Variants in ZNF839 observed in about 807,000 individuals in gnomAD.
The protein encoded by ZNF839 is zinc finger protein 839, also known as renal carcinoma antigen NY-REN-50.
Under a neutral mutation model 56.4 loss-of-function variants are expected in ZNF839, and 38 were observed. The ratio of observed to expected loss-of-function variants is 0.67; its 90% CI spans 0.52 to 0.88. The LOEUF (loss-of-function observed/expected upper bound fraction) is 0.88. ZNF839 is among the 40% of genes least tolerant of loss of function. ZNF839 has a pLI of 0.00. For missense variants in ZNF839, 1,091 were observed against 1,177.6 expected (o/e 0.93, Z 1.08); for synonymous variants, 486 against 493.5 (o/e 0.98, Z 0.20).
At chr14:102,336,802 C>T (rs1885782745) in intron 5 of ZNF839, 5 of 277,684 alleles carry the variant, frequency 1.8e-5, no homozygotes, top group South Asian at 1.6e-4. Context: ...GGCACAATCA[C>T]AGCTCACCGC....
At chr14:102,327,480 C>A (rs1033178204) in intron 2 of ZNF839, among the ~76,000 whole-genome samples, 1 of 152,194 alleles carries the variant, frequency 6.6e-6, no homozygotes, top group Admixed American at 6.5e-5. Context: ...TGAGAACTCA[C>A]TCACTGTCAT....
intron 5 of ZNF839, 101 bp from the exon 6 acceptor site, chr14:102,338,715 G>T: frequency 6.5e-7 from 1 of 1,532,152 alleles, no homozygotes; most frequent in South Asian, 1.2e-5. Flanking sequence ...GAACTTTGTA[G>T]ATTTAATTCT....
At chr14:102,318,062 C>T (rs2072949008), upstream of ZNF839, among the ~76,000 whole-genome samples, 1 of 152,184 alleles carries the variant, frequency 6.6e-6, no homozygotes, top group Non-Finnish European at 1.5e-5. Flanking sequence ...GGTATGTGCC[C>T]AGGGTGTAGT....
rs777918282 is a variant in ZNF839 at position 102,332,995 on chromosome 14, T to C, written c.1416+1149T>C. 6.6e-6 allele frequency among the ~76,000 whole-genome samples: 1 copy of C among 152,234 alleles called. No individual in the cohort carries two copies. The highest frequency in any genetic ancestry group is 6.5e-5 in the Admixed American group (1 of 15,272). On this transcript the variant is annotated intron_variant, in intron 3 of 7. Coordinates refer to ENST00000442396, the MANE Select transcript of ZNF839 (RefSeq NM_018335.6). The surrounding 1 kb of genome is among the most constrained non-coding windows in gnomAD (Gnocchi z 4.9). Reference sequence around the variant, plus strand: ...TGTGGAGTTTCCCTGTCTGCTGTTATTAAGCTCATACAGAATTTAGGTCAG... The same window carrying C: ...TGTGGAGTTTCCCTGTCTGCTGTTACTAAGCTCATACAGAATTTAGGTCAG...
chr14:102,318,845 C>G (rs2072978165), upstream of ZNF839, among the ~76,000 whole-genome samples: 1 of 152,174 alleles, frequency 6.6e-6, no homozygotes. Context: ...TCCTCCTTCC[C>G]CCTTGGGAAG....
intron 1 of ZNF839, among the ~76,000 whole-genome samples, chr14:102,324,660 G>A (rs982952222): frequency 6.6e-6 from 1 of 152,122 alleles, no homozygotes; most frequent in Admixed American, 6.6e-5. Context: ...TCCAGCCTGG[G>A]CGACAGAACG....
At position 102,326,284 on chromosome 14, in the gene ZNF839, C is replaced by A; in HGVS notation, c.588C>A (p.Pro196=). 6.2e-7 allele frequency: 1 copy of A among 1,613,568 alleles called. No individual in the cohort carries two copies. The highest frequency in any genetic ancestry group is 8.5e-7 in the Non-Finnish European group (1 of 1,179,732). The change falls in exon 2 of 8, where the codon CCC becomes CCA. Residue 196 remains proline (P), a synonymous_variant. Coordinates refer to ENST00000442396, the MANE Select transcript of ZNF839 (RefSeq NM_018335.6). The surrounding 1 kb of genome is among the most constrained non-coding windows in gnomAD (Gnocchi z 4.3). ...TCCCTGCAAAGAGAGTCCCAGCCCC[C>A]AAGGCTCCAGATGAACAGGGCTCCA... The part of the protein sequence containing the change: ...QVVPAKRVPA[P]KAPDEQGSML...
chr14:102,323,802 C>A (rs755680496), intron 1 of ZNF839, among the ~76,000 whole-genome samples: 1 of 152,140 alleles, frequency 6.6e-6, no homozygotes, highest in Non-Finnish European at 1.5e-5. Context: ...CAGAGCAGAA[C>A]TTAGGAACAG....
chr14:102,342,192 T>C lies in ZNF839; in HGVS notation c.*13T>C, dbSNP rs2139615371. ...ATGGGCCCGCTAGAAGGAGTTCCTC[T>C]AGAAGCTGTGGAGTCGGTCGTCACC... is the stretch of plus-strand genomic sequence containing the variant. On this transcript the variant is annotated 3_prime_UTR_variant, in exon 8 of 8. Coordinates refer to ENST00000442396, the MANE Select transcript of ZNF839 (RefSeq NM_018335.6). The C allele has an allele frequency of 3.1e-6, 5 of 1,593,274 alleles. No individual in the cohort carries two copies. The highest frequency in any genetic ancestry group is 4.3e-6 in the Non-Finnish European group (5 of 1,167,564).
chr14:102,326,100 G>C lies in ZNF839; in HGVS notation c.404G>C (p.Arg135Pro). Residue 135 changes from arginine (R) to proline (P), a missense_variant, in exon 2 of 8, where the codon CGG becomes CCG. Around this residue, in one of 3 missense-constraint regions of ZNF839, gnomAD observed 614 missense variants for 629.2 expected, o/e 0.98. Transcript: ENST00000442396. This position sits in a 1 kb window ranked among gnomAD's most constrained non-coding sequence, Gnocchi z 4.3. ...PQTARKSQLP[R>P]GNSCLVGLHI... Reference sequence around the variant, plus strand: ...ACTGCAAGAAAGAGCCAGCTGCCCCGGGGGAATTCCTGCCTGGTGGGGCTC... The same window carrying C: ...ACTGCAAGAAAGAGCCAGCTGCCCCCGGGGAATTCCTGCCTGGTGGGGCTC... 2.5e-6 allele frequency: 4 copies of C among 1,613,854 alleles called. No homozygotes were observed. Among genetic ancestry groups the C allele is most frequent in the African/African-American group, 1.3e-5 (1 of 75,052 alleles).
At position 102,341,805 on chromosome 14, in the gene ZNF839, T is replaced by C. The variant is rs776717292; in HGVS notation, c.2410T>C (p.Leu804=). 6.2e-7 allele frequency: 1 copy of C among 1,614,010 alleles called. No individual in the cohort carries two copies. The highest frequency in any genetic ancestry group is 1.1e-5 in the South Asian group (1 of 91,078). The change falls in exon 8 of 8, where the codon TTG becomes CTG. Residue 804 remains leucine, a synonymous_variant. Transcript: ENST00000442396. ...GGCAGCCCCTCCGCTTGAGAAAATT[T>C]TGTCTGTGGATAGCGTGGCAGTGGA... The part of the protein sequence containing the change: ...EVAAPPLEKI[L]SVDSVAVDCA...
intron 2 of ZNF839, 163 bp from the exon 3 acceptor site, chr14:102,331,459 A>G: frequency 1.6e-6 from 1 of 607,140 alleles, no homozygotes; most frequent in Non-Finnish European, 2.9e-6. Flanking sequence ...CATGCTGGCC[A>G]GGTCGGTCTC....
In ZNF839 at chr14:102,319,839, G is replaced by T. The variant is rs1255109186; in HGVS notation, c.74G>T (p.Gly25Val). 8.0e-7 allele frequency: 1 copy of T among 1,245,192 alleles called. No homozygotes were observed. Among genetic ancestry groups the T allele is most frequent in the East Asian group, 3.2e-5 (1 of 31,072 alleles). 77.1% of individuals were successfully genotyped at this position (1,245,192 alleles called of 1,614,324 possible). A position where few individuals can be genotyped will look rare whatever the true frequency, so the allele number is the denominator to read the frequency against. Residue 25 changes from glycine (G) to valine (V), a missense_variant, in exon 1 of 8, where the codon GGC becomes GTC. Physicochemically the swap from Gly to Val is moderately radical, Grantham distance 109. Coordinates refer to ENST00000442396, the MANE Select transcript of ZNF839 (RefSeq NM_018335.6). This position sits in a 1 kb window ranked among gnomAD's most constrained non-coding sequence, Gnocchi z 4.5. ...GGCGGCGGCGGCCCGGCTCCTCCGG[G>T]CCAGAGCGGCAGCGTCGCACGTGTG... ...GGGGGGPAPP[G>V]QSGSVARVAP...
At chr14:102,333,804 G>C (rs2073898272) in intron 3 of ZNF839, among the ~76,000 whole-genome samples, 1 of 152,134 alleles carries the variant, frequency 6.6e-6, no homozygotes, top group East Asian at 1.9e-4. Context: ...TTTCATGTCT[G>C]AGCAGAGCCC....
chr14:102,326,849 T>G lies in ZNF839; in HGVS notation c.1153T>G (p.Ser385Ala). ...GGATCCATGTGAGGGAGGGGCCCGC[T>G]CCTGCTTGGTGACAGAGTCAGCACG... is the stretch of plus-strand genomic sequence containing the variant. ...PADPCEGGAR[S>A]CLVTESARGG... The change falls in exon 2 of 8, where the codon TCC becomes GCC. Residue 385 changes from serine (S) to alanine (A), a missense_variant. Ser to Ala is a moderately conservative substitution (Grantham distance 99). Coordinates refer to ENST00000442396, the MANE Select transcript of ZNF839 (RefSeq NM_018335.6). The surrounding 1 kb of genome is among the most constrained non-coding windows in gnomAD (Gnocchi z 4.3). The G allele has an allele frequency of 1.9e-6, 3 of 1,608,920 alleles. No individual in the cohort carries two copies. The highest frequency in any genetic ancestry group is 2.5e-6 in the Non-Finnish European group (3 of 1,177,088).
Position 102,325,695 on chromosome 14 carries a change from A to G in ZNF839, c.289-290A>G, listed in dbSNP as rs1352019801. 3.3e-5 allele frequency among the ~76,000 whole-genome samples: 5 copies of G among 152,074 alleles called. No individual in the cohort carries two copies. In the South Asian group the frequency reaches 8.3e-4, roughly 25 times the overall value. On this transcript the variant is annotated intron_variant, in intron 1 of 7. Transcript: ENST00000442396. ...TTTTTAGTAGAGATGGGGTTTCACC[A>G]TGTTGGCCAGGTTGGTCTCGAACTC...
At position 102,342,214 on chromosome 14, in the gene ZNF839, C is replaced by A; in HGVS notation, c.*35C>A. 1 of 1,549,710 alleles carries A rather than the reference C, an allele frequency of 6.5e-7. No homozygotes were observed. Among genetic ancestry groups the A allele is most frequent in the South Asian group, 1.2e-5 (1 of 84,222 alleles). On this transcript the variant is annotated 3_prime_UTR_variant, in exon 8 of 8. Coordinates refer to ENST00000442396, the MANE Select transcript of ZNF839 (RefSeq NM_018335.6). ...CTCTAGAAGCTGTGGAGTCGGTCGT[C>A]ACCGTGGAGCCAGAGCCCTCACAGT...
chr14:102,334,706 T>C, intron 4 of ZNF839, 60 bp downstream of exon 4: 1 of 849,360 alleles, frequency 1.2e-6, no homozygotes, highest in Non-Finnish European at 1.7e-6. Flanking sequence ...TTAGAAATAA[T>C]ATTATTATTT....
Position 102,334,677 on chromosome 14 carries a change from C to T in ZNF839, c.1509+31C>T, listed in dbSNP as rs370028081. 315 of 1,300,764 alleles carry T rather than the reference C, an allele frequency of 2.4e-4. 4 individuals carry two copies. The South Asian group carries it at 2.4e-3, about 10-fold the overall frequency. The allele number at this position is 1,300,764 out of a possible 1,614,324, so 80.6% of individuals were successfully genotyped here. A position where few individuals can be genotyped will look rare whatever the true frequency, so the allele number is the denominator to read the frequency against. The stretch of plus-strand genomic sequence containing the variant: ...TACTCTTAGTGTTTCTAAATGATAG[C>T]GGGATGATTAGAAGTTATTTAGAAA... On this transcript the variant is annotated intron_variant, in intron 4 of 7. Transcript: ENST00000442396.
Sources: allele counts gnomAD v4.1 joint callset (sites outside exome capture counted in the v4.1 genomes callset), GRCh38; gene constraint gnomAD v4.1.1; regional missense constraint gnomAD v4.1.1; non-coding constraint Gnocchi (gnomAD v3.1); transcripts MANE v1.5; gene names NCBI Gene and HGNC (gene_info 2026-07-23, HGNC 2026-07-21).